Variants in TMEM223 observed in about 807,000 individuals in gnomAD.
The protein encoded by TMEM223 is transmembrane protein 223.
A neutral mutation model predicts 14.1 loss-of-function variants in TMEM223; 14 were observed. That is an observed-to-expected ratio of 0.99 (90% CI 0.66 to 1.55). The LOEUF (loss-of-function observed/expected upper bound fraction) is 1.55. TMEM223 is among the 40% of genes most tolerant of loss of function. The pLI is 0.00. For missense variants in TMEM223, 346 were observed against 269.9 expected, an observed-to-expected ratio of 1.28 and a Z score of -1.97; for synonymous variants, 145 against 120.5, an observed-to-expected ratio of 1.20 and a Z score of -1.33.
chr11:62,789,338 G>A (rs752707547), downstream of TMEM223: 17 of 1,613,924 alleles, frequency 1.1e-5, no homozygotes, highest in South Asian at 9.9e-5. Context: ...AGCTATAGCC[G>A]TCTTCCTGGT....
chr11:62,791,719 C>T lies in TMEM223; in HGVS notation c.276G>A (p.Ala92=), dbSNP rs373440750. ...PNRGPFDLRS[A]LWRYGLAVGC... ...CGACGGCCAGACCGTAGCGCCAGAG[C>T]GCGGAGCGCAGGTCGAAGGGGCCAC... The change falls in exon 1 of 2, where the codon GCG becomes GCA. Residue 92 remains alanine (A), a synonymous_variant. Transcript: ENST00000307366. The T allele has an allele frequency of 8.4e-6, 13 of 1,551,832 alleles. No individual in the cohort carries two copies. The African/African-American group carries it at 1.8e-4, about 21-fold the overall frequency.
chr11:62,782,294 T>G (rs746452629), intron 1 of TMEM223: 2 of 1,614,046 alleles, frequency 1.2e-6, no homozygotes, highest in Non-Finnish European at 1.7e-6. Flanking sequence ...CACTGGACTC[T>G]GCGGGATGGG....
downstream of TMEM223, among the ~76,000 whole-genome samples, chr11:62,784,647 C>T (rs187832688): frequency 3.7e-4 from 56 of 152,236 alleles, no homozygotes; most frequent in Non-Finnish European, 5.6e-4. Context: ...GGATTTTTAT[C>T]AGATGGTTTT....
At position 62,778,158 on chromosome 11, in the gene TMEM223, G is replaced by T. The variant is rs757715993; in HGVS notation, c.315-3493C>A. The T allele has an allele frequency of 6.8e-6, 11 of 1,614,010 alleles. No individual in the cohort carries two copies. The Admixed American group carries it at 1.8e-4, about 27-fold the overall frequency. ...CTGCCGGGGTCCTGCATGGGTTGGG[G>T]ATGGGAGTTGGGCCGTGAAGAGAAG... On this transcript the variant is annotated intron_variant, in intron 1 of 2. Transcript: ENST00000528367.
rs1484653663 is a variant in TMEM223, at chr11:62,790,724, T to C, written c.508A>G (p.Lys170Glu). 2 of 1,611,434 alleles carry C rather than the reference T, an allele frequency of 1.2e-6. No individual in the cohort carries two copies. The highest frequency in any genetic ancestry group is 2.7e-5 in the African/African-American group (2 of 74,884). ...AAATAGAAGCGTCGGCCTTTGACTT[T>C]CAGAGGTAGCATGGCAGGGACTTCA... ...RGEVPAMLPLKVKGRRFYFLL... is the reference protein window; with the variant it reads ...RGEVPAMLPLEVKGRRFYFLL... Residue 170 changes from lysine to glutamate, a missense_variant, in exon 2 of 2, where the codon AAA becomes GAA. Physicochemically the swap from Lys to Glu is moderately conservative, Grantham distance 56 (BLOSUM62 1). Coordinates refer to ENST00000307366, the MANE Select transcript of TMEM223 (RefSeq NM_001080501.3).
chr11:62,786,465 T>G (rs1031290876), downstream of TMEM223: 17 of 1,591,826 alleles, frequency 1.1e-5, no homozygotes, highest in African/African-American at 1.3e-5. Context: ...GAATATTTGA[T>G]GGGCCCAGGT....
downstream of TMEM223, chr11:62,789,241 G>A (rs1003721706): frequency 7.4e-6 from 12 of 1,613,834 alleles, 1 homozygote; most frequent in Admixed American, 8.3e-5. Flanking sequence ...GCCAGGGGCT[G>A]AGGTAGGATG....
chr11:62,791,396 T>C (rs561211076), intron 1 of TMEM223, among the ~76,000 whole-genome samples: 11 of 152,236 alleles, frequency 7.2e-5, no homozygotes, highest in Non-Finnish European at 1.5e-4. Context: ...TAGCTGGGAC[T>C]ACAGGCGCTT....
downstream of TMEM223, chr11:62,786,515 A>C (rs1173738715): frequency 6.4e-7 from 1 of 1,556,772 alleles, no homozygotes; most frequent in South Asian, 1.2e-5. Flanking sequence ...TGGCTCTTAC[A>C]GGTGGCGGTA....
intron 1 of TMEM223, among the ~76,000 whole-genome samples, chr11:62,775,170 A>G (rs1402094535): frequency 7.2e-5 from 11 of 152,104 alleles, no homozygotes. Context: ...GTGGAAGAGG[A>G]AGCAAACATG....
In TMEM223 at chr11:62,790,310, T is replaced by A. The variant is rs2134744831; in HGVS notation, c.*313A>T. On this transcript the variant is annotated 3_prime_UTR_variant, in exon 2 of 2. Transcript: ENST00000307366. Reference sequence around the variant, plus strand: ...GGAAGGAGTGAAGGCTAAGCAGACATGGACTGAAACTTAGAGGTACTGTTA... The same window carrying A: ...GGAAGGAGTGAAGGCTAAGCAGACAAGGACTGAAACTTAGAGGTACTGTTA... The A allele has an allele frequency of 1.8e-6, 1 of 545,354 alleles. No homozygotes were observed. The highest frequency in any genetic ancestry group is 4.7e-4 in the Middle Eastern group (1 of 2,118). The allele number at this position is 545,354 out of a possible 1,614,324, so 33.8% of individuals were successfully genotyped here. A position where few individuals can be genotyped will look rare whatever the true frequency, so the allele number is the denominator to read the frequency against.
chr11:62,788,676 CAAAAAA>C (rs5792270), downstream of TMEM223, among the ~76,000 whole-genome samples: 2 of 122,414 alleles, frequency 1.6e-5, no homozygotes, highest in African/African-American at 6.4e-5. Context: ...TGCACTCCAG[CAAAAAA>C]AAAAAAAAAA....
At chr11:62,784,195 G>T (rs2134721958), downstream of TMEM223, among the ~76,000 whole-genome samples, 1 of 148,688 alleles carries the variant, frequency 6.7e-6, no homozygotes, top group South Asian at 2.1e-4. Context: ...TCACAATGTT[G>T]GCCAGGATGG....
At chr11:62,773,117 A>G (rs2084161869) in intron 2 of TMEM223, among the ~76,000 whole-genome samples, 1 of 151,422 alleles carries the variant, frequency 6.6e-6, no homozygotes, top group Non-Finnish European at 1.5e-5. Flanking sequence ...CTGGGATTAC[A>G]GGCGTGAGCC....
intron 1 of TMEM223, chr11:62,778,973 T>G: frequency 6.2e-7 from 1 of 1,608,390 alleles, no homozygotes; most frequent in Non-Finnish European, 8.5e-7. Context: ...GGTGAGCGAG[T>G]GGGCCCAAGT....
At chr11:62,772,458 GGTT>G (rs1469191566) in intron 2 of TMEM223, among the ~76,000 whole-genome samples, 1 of 151,656 alleles carries the variant, frequency 6.6e-6, no homozygotes, top group Non-Finnish European at 1.5e-5. Context: ...GGGAGGCAGA[GGTT>G]GTAGTGAGCC....
At position 62,779,952 on chromosome 11, in the gene TMEM223, C is replaced by CTATA. The variant is rs1225374367; in HGVS notation, c.315-5291_315-5288dup. 4.4e-3 allele frequency among the ~76,000 whole-genome samples: 439 copies of CTATA among 100,034 alleles called. 10 individuals carry two copies. The highest frequency in any genetic ancestry group is 8.1e-3 in the Middle Eastern group (1 of 124). 65.6% of individuals were successfully genotyped at this position (100,034 alleles called of 152,430 possible). ...AAGTGGTGGGATTACAGGCGTGAGC[C>CTATA]TATATATATATATATATATATATAT... is the stretch of plus-strand genomic sequence containing the variant. On this transcript the variant is annotated intron_variant, in intron 1 of 2. Transcript: ENST00000528367.
At chr11:62,776,345 C>A in intron 1 of TMEM223, 1 of 1,607,926 alleles carries the variant, frequency 6.2e-7, no homozygotes, top group South Asian at 1.1e-5. Context: ...CCCCCTGCTT[C>A]ACATCCTTTG....
downstream of TMEM223, chr11:62,789,063 C>T (rs1254242558): frequency 1.2e-6 from 2 of 1,614,080 alleles, no homozygotes; most frequent in African/African-American, 2.7e-5. Flanking sequence ...GGTGTGGCCA[C>T]CCTGAATGGC....
Sources: allele counts gnomAD v4.1 joint callset (sites outside exome capture counted in the v4.1 genomes callset), GRCh38; gene constraint gnomAD v4.1.1; transcripts MANE v1.5; gene names NCBI Gene and HGNC (gene_info 2026-07-23, HGNC 2026-07-21).